Variants in SDK1 observed in about 807,000 individuals in gnomAD.
SDK1 encodes sidekick cell adhesion molecule 1.
A neutral mutation model predicts 245.5 loss-of-function variants in SDK1; 157 were observed. The observed-to-expected ratio is 0.64, with a 90% CI of 0.56 to 0.73. The LOEUF is 0.73. Ranked by LOEUF, SDK1 falls within the 30% of genes least tolerant of loss-of-function variation. The pLI, the probability that SDK1 is intolerant of heterozygous loss-of-function variation, is 0.00. For missense variants in SDK1, 3,583 were observed against 3,002.3 expected, an observed-to-expected ratio of 1.19 and a Z score of -4.52; for synonymous variants, 1,647 against 1,278.5, an observed-to-expected ratio of 1.29 and a Z score of -6.15.
rs1051796882 is a variant in SDK1 at position 4,267,286 on chromosome 7, C to T, written c.*1902C>T. ...CTTCCCTCCCTTCCTTCCTCTCTTT[C>T]CTCCTTCCTTCCCTCCCTTCTTTCC... On this transcript the variant is annotated 3_prime_UTR_variant, in exon 45 of 45. Coordinates refer to ENST00000404826, the MANE Select transcript of SDK1 (RefSeq NM_152744.4). 14 of 523,328 alleles carry T rather than the reference C, an allele frequency of 2.7e-5. No individual in the cohort carries two copies. The highest frequency in any genetic ancestry group is 1.7e-4 in the African/African-American group (8 of 46,144). The allele number at this position is 523,328 out of a possible 1,614,324, so 32.4% of individuals were successfully genotyped here.
intron 4 of SDK1, among the ~76,000 whole-genome samples, chr7:3,806,182 T>A (rs574324517): frequency 4.6e-5 from 7 of 152,372 alleles, no homozygotes; most frequent in African/African-American, 1.7e-4. Context: ...TTGTCTCACA[T>A]GGACTCACCC....
chr7:3,967,482 ACCTATCGGG>A (rs759117191), intron 10 of SDK1, 48 bp downstream of exon 10: 2 of 1,151,028 alleles, frequency 1.7e-6, no homozygotes, highest in African/African-American at 3.0e-5. Flanking sequence ...GTAGAACATA[ACCTATCGGG>A]CCAGTGCTTG....
intron 19 of SDK1, among the ~76,000 whole-genome samples, chr7:4,058,415 A>G (rs1483463280): frequency 2.0e-5 from 3 of 151,928 alleles, no homozygotes; most frequent in Non-Finnish European, 4.4e-5. Flanking sequence ...AGAAAACCAA[A>G]GGGATACAAA....
At chr7:4,185,336 G>T (rs1782825327) in intron 35 of SDK1, among the ~76,000 whole-genome samples, 1 of 152,144 alleles carries the variant, frequency 6.6e-6, no homozygotes, top group South Asian at 2.1e-4. Context: ...CAGCGTTCCG[G>T]GCACTGTGGG....
At chr7:3,603,690 A>G (rs1781322134) in intron 1 of SDK1, among the ~76,000 whole-genome samples, 1 of 152,138 alleles carries the variant, frequency 6.6e-6, no homozygotes, top group Non-Finnish European at 1.5e-5. Context: ...CTCCTGCCTG[A>G]TTGCCCTGGC....
At chr7:3,349,188 T>A (rs199528209) in intron 1 of SDK1, among the ~76,000 whole-genome samples, 13 of 150,422 alleles carry the variant, frequency 8.6e-5, no homozygotes, top group Non-Finnish European at 1.2e-4. Flanking sequence ...GGTTGCAGTT[T>A]AAAAAAAAAC....
intron 4 of SDK1, among the ~76,000 whole-genome samples, chr7:3,649,226 G>T (rs1782936067): frequency 6.6e-6 from 1 of 152,106 alleles, no homozygotes; most frequent in African/African-American, 2.4e-5. Flanking sequence ...AGCTGGAGGG[G>T]GTTGAATTGA....
intron 17 of SDK1, among the ~76,000 whole-genome samples, chr7:4,027,704 C>T (rs1005715822): frequency 1.3e-5 from 2 of 152,084 alleles, no homozygotes; most frequent in African/African-American, 4.8e-5. Flanking sequence ...AGGGGTGTTG[C>T]AAATAAGCTT....
Position 3,638,986 on chromosome 7 carries a change from C to G in SDK1, c.459-18C>G, listed in dbSNP as rs1489907994. 3 of 1,531,364 alleles carry G rather than the reference C, an allele frequency of 2.0e-6. No homozygotes were observed. The highest frequency in any genetic ancestry group is 4.5e-5 in the East Asian group (2 of 43,976). 94.9% of individuals were successfully genotyped at this position (1,531,364 alleles called of 1,614,324 possible). A position where few individuals can be genotyped will look rare whatever the true frequency, so the allele number is the denominator to read the frequency against. ...ACACTGGATATAAGCATTAACACTTCTTTTTGCTATTCAACAGGTACATTA... is the reference window on the plus strand; with the variant it reads ...ACACTGGATATAAGCATTAACACTTGTTTTTGCTATTCAACAGGTACATTA... On this transcript the variant is annotated intron_variant, in intron 2 of 44. Transcript: ENST00000404826.
intron 17 of SDK1, among the ~76,000 whole-genome samples, chr7:4,039,356 C>T (rs10236620): frequency 0.31 from 47,649 of 151,692 alleles, 11,704 homozygotes; most frequent in African/African-American, 0.69. Context: ...AAATATGCAA[C>T]AGTATTAAAA....
chr7:3,602,993 T>C (rs960307730), intron 1 of SDK1, among the ~76,000 whole-genome samples: 3 of 152,244 alleles, frequency 2.0e-5, no homozygotes, highest in Non-Finnish European at 4.4e-5. Flanking sequence ...GTTGTAGATA[T>C]ACATGCAGCA....
At chr7:3,960,541 C>G (rs955239240) in intron 8 of SDK1, among the ~76,000 whole-genome samples, 37 of 152,210 alleles carry the variant, frequency 2.4e-4, no homozygotes, top group African/African-American at 7.7e-4. Context: ...GTCACCCTTC[C>G]AGTCCTGGTG....
At chr7:3,394,713 A>G (rs914424765) in intron 1 of SDK1, among the ~76,000 whole-genome samples, 1 of 152,068 alleles carries the variant, frequency 6.6e-6, no homozygotes, top group South Asian at 2.1e-4. Flanking sequence ...TAATTTTTAC[A>G]GTACAAGTCT....
intron 19 of SDK1, among the ~76,000 whole-genome samples, chr7:4,060,928 G>A (rs2128170777): frequency 6.6e-6 from 1 of 151,840 alleles, no homozygotes; most frequent in African/African-American, 2.4e-5. Context: ...TTTTTCTCAG[G>A]TTTGTCAAAG....
chr7:3,519,798 C>G (rs549841624), intron 1 of SDK1, among the ~76,000 whole-genome samples: 1 of 151,988 alleles, frequency 6.6e-6, no homozygotes, highest in African/African-American at 2.4e-5. Flanking sequence ...GAGATAAAAA[C>G]GGCAAGTCTA....
intron 4 of SDK1, among the ~76,000 whole-genome samples, chr7:3,686,262 G>A (rs1267040597): frequency 1.3e-5 from 2 of 152,160 alleles, no homozygotes; most frequent in Non-Finnish European, 2.9e-5. Flanking sequence ...TTTTAGTAGA[G>A]ACGGGGTTTC....
At chr7:3,628,433 C>T (rs1317378144) in intron 2 of SDK1, among the ~76,000 whole-genome samples, 1 of 152,182 alleles carries the variant, frequency 6.6e-6, no homozygotes, top group African/African-American at 2.4e-5. Flanking sequence ...TTCAGTTTGT[C>T]CTAAGGACAT....
chr7:3,385,844 A>G (rs1225680757), intron 1 of SDK1, among the ~76,000 whole-genome samples: 5 of 152,158 alleles, frequency 3.3e-5, no homozygotes, highest in African/African-American at 1.2e-4. Flanking sequence ...TTGTTTGCTT[A>G]TATGATTTTT....
rs111272396 is a variant in SDK1 at position 3,391,395 on chromosome 7, A to C, written c.298+89511A>C. Reference sequence around the variant, plus strand: ...AAGCAGTTTCTTCTAGCATTGCTGGAAGTAAAAGGATGCCTCATCTTAAGG... The same window carrying C: ...AAGCAGTTTCTTCTAGCATTGCTGGCAGTAAAAGGATGCCTCATCTTAAGG... On this transcript the variant is annotated intron_variant, in intron 1 of 44. Coordinates refer to ENST00000404826, the MANE Select transcript of SDK1 (RefSeq NM_152744.4). 7.1e-3 allele frequency among the ~76,000 whole-genome samples: 1,075 copies of C among 152,266 alleles called. 9 individuals carry two copies. The highest frequency in any genetic ancestry group is 0.01 in the Admixed American group (158 of 15,292).
Sources: gnomAD v4.1 joint callset for allele counts (sites outside exome capture counted in the v4.1 genomes callset) on GRCh38, gnomAD v4.1.1 for gene constraint, MANE v1.5 for transcripts, NCBI Gene and HGNC (gene_info 2026-07-23, HGNC 2026-07-21) for gene names.